Variants in WDR49 observed in about 807,000 individuals in gnomAD.
WDR49 encodes WD repeat domain 49, also known as cilia- and flagella-associated protein 337.
WDR49 carries 107 observed loss-of-function variants against 119.5 expected under a neutral mutation model. That is an observed-to-expected ratio of 0.90 (90% CI 0.77 to 1.05). The LOEUF (loss-of-function observed/expected upper bound fraction) is 1.05. WDR49 is among the 50% of genes least tolerant of loss of function. WDR49 has a pLI of 0.00. For missense variants in WDR49, 1,240 were observed against 1,220.5 expected (o/e 1.02, Z -0.24); for synonymous variants, 425 against 418.8 (o/e 1.01, Z -0.18).
intron 7 of WDR49, among the ~76,000 whole-genome samples, chr3:167,591,708 T>C (rs1715123399): frequency 6.6e-6 from 1 of 152,136 alleles, no homozygotes; most frequent in Non-Finnish European, 1.5e-5. Flanking sequence ...CTGATATGAA[T>C]ATAGGGACTC....
At chr3:167,625,733 C>T (rs1717101594) in intron 3 of WDR49, among the ~76,000 whole-genome samples, 1 of 152,038 alleles carries the variant, frequency 6.6e-6, no homozygotes, top group African/African-American at 2.4e-5. Context: ...CTATTCTAAA[C>T]AAACTAACCA....
At chr3:167,519,440 G>C (rs1405090903) in intron 16 of WDR49, among the ~76,000 whole-genome samples, 1 of 152,154 alleles carries the variant, frequency 6.6e-6, no homozygotes, top group Non-Finnish European at 1.5e-5. Flanking sequence ...ATACACCATG[G>C]AATACTATAC....
At chr3:167,540,502 A>G (rs1711749859) in intron 10 of WDR49, among the ~76,000 whole-genome samples, 1 of 152,106 alleles carries the variant, frequency 6.6e-6, no homozygotes, top group Non-Finnish European at 1.5e-5. Context: ...GGGACAGTGC[A>G]CCACAGCAAG....
rs75662277 is a variant in WDR49 at position 167,613,318 on chromosome 3, C to T, written c.958+7111G>A. 2.3e-4 allele frequency among the ~76,000 whole-genome samples: 35 copies of T among 152,234 alleles called. No individual in the cohort carries two copies. In the East Asian group the frequency reaches 6.6e-3, roughly 28 times the overall value. On this transcript the variant is annotated intron_variant, in intron 5 of 18. Coordinates refer to ENST00000682715, the MANE Select transcript of WDR49 (RefSeq NM_001366157.1). The stretch of plus-strand genomic sequence containing the variant: ...ATTAATTCAATTACTTTTCAAAATG[C>T]CAGGTAGGCACATGTCCATGATACA...
intron 5 of WDR49, among the ~76,000 whole-genome samples, chr3:167,619,440 A>G (rs1276622592): frequency 6.6e-6 from 1 of 152,156 alleles, no homozygotes; most frequent in Non-Finnish European, 1.5e-5. Flanking sequence ...AAAAATGTAT[A>G]GAAGGTACTA....
chr3:167,580,042 A>T (rs1714454787), intron 7 of WDR49, among the ~76,000 whole-genome samples: 1 of 152,196 alleles, frequency 6.6e-6, no homozygotes, highest in Non-Finnish European at 1.5e-5. Context: ...TATTTCACTG[A>T]CATTTAGTCA....
chr3:167,542,820 AC>A (rs947101134), intron 10 of WDR49, among the ~76,000 whole-genome samples: 5 of 152,024 alleles, frequency 3.3e-5, no homozygotes, highest in African/African-American at 1.2e-4. Context: ...GGAAACAACA[AC>A]AAAAAAAATG....
intron 17 of WDR49, 39 bp downstream of exon 17, chr3:167,505,265 AAAT>A (rs763062395): frequency 2.1e-6 from 3 of 1,407,406 alleles, no homozygotes; most frequent in South Asian, 1.7e-5. Flanking sequence ...CTAATCTGTT[AAAT>A]AATATTATAA....
chr3:167,482,128 G>A (rs1396824339), intron 18 of WDR49, among the ~76,000 whole-genome samples: 1 of 152,002 alleles, frequency 6.6e-6, no homozygotes, highest in South Asian at 2.1e-4. Context: ...AAATCTTCTG[G>A]CAACCACACA....
At chr3:167,503,250 T>C (rs571271855) in intron 17 of WDR49, among the ~76,000 whole-genome samples, 1 of 152,322 alleles carries the variant, frequency 6.6e-6, no homozygotes, top group African/African-American at 2.4e-5. Flanking sequence ...TTTCAGAGGA[T>C]GCAAGAGAAA....
At chr3:167,574,992 C>T in intron 8 of WDR49, 8 of 870,816 alleles carry the variant, frequency 9.2e-6, no homozygotes, top group Non-Finnish European at 1.1e-5. Context: ...ACACACTACC[C>T]ATTACTAACA....
At chr3:167,554,127 GA>G (rs1374773534) in intron 10 of WDR49, among the ~76,000 whole-genome samples, 6 of 149,680 alleles carry the variant, frequency 4.0e-5, no homozygotes, top group South Asian at 2.1e-4. Flanking sequence ...GTTCTGTCAG[GA>G]AAAAAAAAGG....
intron 5 of WDR49, among the ~76,000 whole-genome samples, chr3:167,606,511 T>G (rs1449667019): frequency 6.6e-6 from 1 of 152,216 alleles, no homozygotes; most frequent in Non-Finnish European, 1.5e-5. Context: ...GTTTTAAGCT[T>G]CTACTTCTTT....
chr3:167,554,707 T>G lies in WDR49; in HGVS notation c.1766A>C (p.Lys589Thr). The change falls in exon 10 of 19, where the codon AAA becomes ACA. Residue 589 changes from lysine (K) to threonine (T), a missense_variant. Coordinates refer to ENST00000682715, the MANE Select transcript of WDR49 (RefSeq NM_001366157.1). ...CCTCTCCCAGCCTGTAACCAGTATT[T>G]TCTTCTTAAGAATGAGGATTTGTGA... ...DISQILILKK[K>T]ILVTGWERYD... The G allele has an allele frequency of 5.6e-6, 9 of 1,613,326 alleles. No individual in the cohort carries two copies. The highest frequency in any genetic ancestry group is 7.6e-6 in the Non-Finnish European group (9 of 1,179,554).
chr3:167,524,391 C>A (rs1377467125), intron 15 of WDR49, among the ~76,000 whole-genome samples: 1 of 152,144 alleles, frequency 6.6e-6, no homozygotes, highest in Non-Finnish European at 1.5e-5. Flanking sequence ...TTTTGCTGTG[C>A]AGAAGCTTTT....
chr3:167,534,280 T>G (rs1441309705), intron 11 of WDR49, among the ~76,000 whole-genome samples: 1 of 152,116 alleles, frequency 6.6e-6, no homozygotes. Context: ...CATAGAAATA[T>G]CCATCTTCTC....
At chr3:167,504,494 C>T (rs1751694644) in intron 17 of WDR49, among the ~76,000 whole-genome samples, 1 of 152,176 alleles carries the variant, frequency 6.6e-6, no homozygotes. Context: ...AAATGTTTAT[C>T]CAATGCCTAT....
chr3:167,600,525 A>G (rs1020548628), intron 7 of WDR49, among the ~76,000 whole-genome samples: 2 of 152,010 alleles, frequency 1.3e-5, no homozygotes, highest in Admixed American at 1.3e-4. Flanking sequence ...TAGTTGTTAA[A>G]TTTGGTGTTC....
intron 5 of WDR49, among the ~76,000 whole-genome samples, chr3:167,608,752 G>A (rs1465836420): frequency 1.3e-5 from 2 of 152,018 alleles, no homozygotes; most frequent in African/African-American, 4.8e-5. Flanking sequence ...GGATGAGCTG[G>A]TAAAATAAAT....
Sources: allele counts gnomAD v4.1 joint callset (sites outside exome capture counted in the v4.1 genomes callset), GRCh38; gene constraint gnomAD v4.1.1; transcripts MANE v1.5; gene names NCBI Gene and HGNC (gene_info 2026-07-23, HGNC 2026-07-21).